The following CACNG4 variants were observed in gnomAD, a reference collection of about 807,000 sequenced individuals.
CACNG4 encodes calcium voltage-gated channel auxiliary subunit gamma 4.
In CACNG4, 8 loss-of-function variants were observed where a neutral mutation model predicts 22.9. The ratio of observed to expected loss-of-function variants is 0.35; its 90% confidence interval spans 0.21 to 0.63. The LOEUF is 0.63. Among genes scored for constraint, CACNG4 ranks in the 30% least tolerant of loss-of-function variants. CACNG4 has a pLI of 0.72. For missense variants in CACNG4, 357 were observed against 455.4 expected (o/e 0.78, Z 1.97); for synonymous variants, 188 against 191.9 (o/e 0.98, Z 0.17).
At chr17:66,973,129 C>G (rs1188285269) in intron 1 of CACNG4, among the ~76,000 whole-genome samples, 1 of 151,888 alleles carries the variant, frequency 6.6e-6, no homozygotes, top group Non-Finnish European at 1.5e-5. Context: ...ACCTGTAGTC[C>G]CAGCTACTCC....
rs1270302134 is a variant in CACNG4, at chr17:67,029,493, G to T, written c.446-973G>T. Among the ~76,000 whole-genome samples, 3 of 151,800 alleles carry T rather than the reference G, an allele frequency of 2.0e-5. 1 individual carries two copies. The highest frequency in any genetic ancestry group is 2.0e-4 in the Admixed American group (3 of 15,240). ...AAAAATACAAAAAAAAATTGGCTGG[G>T]TGTGGTGGCGGGCGCCTGTAATCCC... On this transcript the variant is annotated intron_variant, in intron 3 of 3. Transcript: ENST00000262138.
intron 1 of CACNG4, among the ~76,000 whole-genome samples, chr17:66,989,320 T>G (rs1476131651): frequency 1.3e-5 from 2 of 150,890 alleles, no homozygotes; most frequent in African/African-American, 2.5e-5. Context: ...GACTGGGTTC[T>G]TATAAAAAAA....
At chr17:67,025,555 C>T (rs761381214) in intron 3 of CACNG4, among the ~76,000 whole-genome samples, 6 of 152,126 alleles carry the variant, frequency 3.9e-5, no homozygotes, top group African/African-American at 7.3e-5. Context: ...CGGGGAAGCT[C>T]GGCAGAGCAG....
intron 1 of CACNG4, among the ~76,000 whole-genome samples, chr17:67,014,428 GA>G (rs912553677): frequency 2.0e-5 from 3 of 151,062 alleles, no homozygotes; most frequent in East Asian, 3.9e-4. Context: ...CAACTTTTGT[GA>G]AAAAAAAATC....
At chr17:67,029,460 T>C (rs2143379291) in intron 3 of CACNG4, among the ~76,000 whole-genome samples, 1 of 132,856 alleles carries the variant, frequency 7.5e-6, no homozygotes, top group East Asian at 2.4e-4. Context: ...TAAAATCCCG[T>C]CTCTACTAAA....
chr17:67,004,906 T>C (rs1272416997), intron 1 of CACNG4, among the ~76,000 whole-genome samples: 4 of 152,122 alleles, frequency 2.6e-5, no homozygotes, highest in Non-Finnish European at 5.9e-5. Flanking sequence ...GTACTTTTAG[T>C]AGAGACAAGG....
intron 2 of CACNG4, among the ~76,000 whole-genome samples, chr17:67,020,975 G>A (rs140189437): frequency 2.6e-4 from 39 of 152,350 alleles, no homozygotes; most frequent in African/African-American, 6.0e-4. Context: ...AGGCCAAGGC[G>A]TGAAGATCGC....
chr17:66,988,456 G>C (rs962606471), intron 1 of CACNG4, among the ~76,000 whole-genome samples: 5 of 152,184 alleles, frequency 3.3e-5, no homozygotes, highest in African/African-American at 1.2e-4. Context: ...TGGAAATCCA[G>C]CTCCATCATG....
At position 67,027,362 on chromosome 17, in the gene CACNG4, G is replaced by A. The variant is rs575317082; in HGVS notation, c.445+2362G>A. Among the ~76,000 whole-genome samples the A allele has an allele frequency of 6.6e-6, 1 of 152,324 alleles. No individual in the cohort carries two copies. The highest frequency in any genetic ancestry group is 2.4e-5 in the African/African-American group (1 of 41,568). On this transcript the variant is annotated intron_variant, in intron 3 of 3. Coordinates refer to ENST00000262138, the MANE Select transcript of CACNG4 (RefSeq NM_014405.4). This position sits in a 1 kb window ranked among gnomAD's most constrained non-coding sequence, Gnocchi z 4.3. ...ATGAGTCCAGGCAGAGAAGGTGGCC[G>A]CGGCTGGCTGCAAGGAAGCAATGGG...
At chr17:66,981,430 T>C (rs1422301419) in intron 1 of CACNG4, among the ~76,000 whole-genome samples, 1 of 152,128 alleles carries the variant, frequency 6.6e-6, no homozygotes, top group Non-Finnish European at 1.5e-5. Context: ...TTTTTTTGGG[T>C]TCTTCTTTGG....
chr17:66,965,198 GCGCGCGCGCGCGCGCACA>G, intron 1 of CACNG4, 67 bp downstream of exon 1: 1 of 557,706 alleles, frequency 1.8e-6, no homozygotes, highest in Non-Finnish European at 2.6e-6. Context: ...ATACACACGC[GCGCGCGCGCGCGCGCACA>G]CACACACACG....
intron 1 of CACNG4, among the ~76,000 whole-genome samples, chr17:66,991,759 C>T (rs1240338087): frequency 1.3e-5 from 2 of 152,192 alleles, no homozygotes; most frequent in African/African-American, 2.4e-5. Flanking sequence ...ACCAGGAAGG[C>T]GTGTCTCCAG....
At chr17:67,008,452 C>T (rs1429689156) in intron 1 of CACNG4, among the ~76,000 whole-genome samples, 1 of 152,072 alleles carries the variant, frequency 6.6e-6, no homozygotes, top group Non-Finnish European at 1.5e-5. Context: ...TTGCGGGGAG[C>T]AGGGGGCAGG....
intron 1 of CACNG4, among the ~76,000 whole-genome samples, chr17:66,989,735 G>A (rs954217470): frequency 6.6e-6 from 1 of 151,382 alleles, no homozygotes; most frequent in African/African-American, 2.5e-5. Context: ...TGTTAGCAAC[G>A]GTGTGTTGAG....
intron 1 of CACNG4, among the ~76,000 whole-genome samples, chr17:67,006,885 A>G (rs1389344147): frequency 6.6e-6 from 1 of 152,170 alleles, no homozygotes. Context: ...CTATCAAAGA[A>G]GAAATGAGGC....
At chr17:67,005,954 T>C (rs2035435025) in intron 1 of CACNG4, among the ~76,000 whole-genome samples, 1 of 152,182 alleles carries the variant, frequency 6.6e-6, no homozygotes, top group African/African-American at 2.4e-5. Flanking sequence ...GGCTCTCTCC[T>C]TGTGGCTGGC....
At chr17:67,025,684 G>T (rs753047421) in intron 3 of CACNG4, among the ~76,000 whole-genome samples, 55 of 152,394 alleles carry the variant, frequency 3.6e-4, no homozygotes, top group Non-Finnish European at 8.1e-4. Flanking sequence ...AGAGCTGTGG[G>T]TGACAGTGAC....
intron 1 of CACNG4, among the ~76,000 whole-genome samples, chr17:66,989,355 G>A (rs780095889): frequency 3.3e-5 from 5 of 151,426 alleles, no homozygotes; most frequent in African/African-American, 9.8e-5. Context: ...AGACACAGAC[G>A]GAGAAGGACA....
chr17:67,022,034 C>T (rs2035535025), intron 2 of CACNG4, among the ~76,000 whole-genome samples: 1 of 150,660 alleles, frequency 6.6e-6, no homozygotes, highest in African/African-American at 2.4e-5. Flanking sequence ...ATGGATGGCT[C>T]TGAGCCAAGC....
Sources: allele counts gnomAD v4.1 joint callset (sites outside exome capture counted in the v4.1 genomes callset), GRCh38; gene constraint gnomAD v4.1.1; non-coding constraint Gnocchi (gnomAD v3.1); transcripts MANE v1.5; gene names NCBI Gene and HGNC (gene_info 2026-07-23, HGNC 2026-07-21).